SPIN1: variants seen among roughly 807,000 people sequenced by gnomAD.
SPIN1 encodes spindlin 1.
Under a neutral mutation model 26.0 loss-of-function variants are expected in SPIN1, and 3 were observed. The ratio of observed to expected loss-of-function variants is 0.12; its 90% CI spans 0.05 to 0.30. The LOEUF (loss-of-function observed/expected upper bound fraction) is 0.30. SPIN1 is among the 10% of genes least tolerant of loss of function. The pLI is 1.00. For missense variants in SPIN1, 126 were observed against 333.4 expected (o/e 0.38, Z 4.84); for synonymous variants, 101 against 116.5 (o/e 0.87, Z 0.86).
At chr9:88,435,690 A>G (rs1358831840) in intron 2 of SPIN1, among the ~76,000 whole-genome samples, 1 of 152,040 alleles carries the variant, frequency 6.6e-6, no homozygotes, top group Non-Finnish European at 1.5e-5. Flanking sequence ...TTTTTACATC[A>G]GAGTTATTAA....
intron 2 of SPIN1, among the ~76,000 whole-genome samples, chr9:88,433,427 T>C (rs1827925522): frequency 6.6e-6 from 1 of 152,206 alleles, no homozygotes; most frequent in Non-Finnish European, 1.5e-5. Flanking sequence ...GCCTTGTTGC[T>C]GACGAGTTTC....
chr9:88,461,327 G>T (rs1587813189), intron 3 of SPIN1, among the ~76,000 whole-genome samples: 2 of 152,076 alleles, frequency 1.3e-5, no homozygotes, highest in Admixed American at 6.6e-5. Context: ...ACTTAACCCT[G>T]TGAATCTCCT....
At chr9:88,451,642 C>T (rs1828355211) in intron 3 of SPIN1, among the ~76,000 whole-genome samples, 1 of 152,176 alleles carries the variant, frequency 6.6e-6, no homozygotes, top group Non-Finnish European at 1.5e-5. Context: ...TTCACTGCAA[C>T]CTCCACCTCC....
At chr9:88,401,232 A>G (rs1312732630) in intron 1 of SPIN1, among the ~76,000 whole-genome samples, 1 of 152,232 alleles carries the variant, frequency 6.6e-6, no homozygotes, top group Non-Finnish European at 1.5e-5. Context: ...AAGGTTTTTC[A>G]TTATATCAGT....
intron 1 of SPIN1, among the ~76,000 whole-genome samples, chr9:88,395,301 T>C (rs182728977): frequency 1.2e-4 from 19 of 152,080 alleles, no homozygotes; most frequent in Admixed American, 1.2e-3. Context: ...TATGTGTATA[T>C]TTTTGTTTCC....
At chr9:88,390,777 C>T (rs1376331884) in intron 1 of SPIN1, among the ~76,000 whole-genome samples, 1 of 152,144 alleles carries the variant, frequency 6.6e-6, no homozygotes, top group African/African-American at 2.4e-5. Flanking sequence ...CAAGTCAGAA[C>T]AGTCTGGGTT....
intron 1 of SPIN1, among the ~76,000 whole-genome samples, chr9:88,415,247 T>A (rs1413867345): frequency 6.6e-6 from 1 of 152,148 alleles, no homozygotes; most frequent in Admixed American, 6.6e-5. Flanking sequence ...CTGAAGGCCT[T>A]CAGATATCTA....
chr9:88,438,844 A>G (rs1030431905), intron 2 of SPIN1, among the ~76,000 whole-genome samples: 1 of 152,210 alleles, frequency 6.6e-6, no homozygotes, highest in African/African-American at 2.4e-5. Context: ...GACATGGGGA[A>G]AATGTGTGAT....
chr9:88,424,928 AC>A (rs1827736741), intron 1 of SPIN1, among the ~76,000 whole-genome samples: 1 of 152,198 alleles, frequency 6.6e-6, no homozygotes, highest in Non-Finnish European at 1.5e-5. Flanking sequence ...AGTGCTGATG[AC>A]GGAAGATTCA....
intron 2 of SPIN1, among the ~76,000 whole-genome samples, chr9:88,434,271 G>GTT: frequency 6.6e-6 from 1 of 151,476 alleles, no homozygotes; most frequent in South Asian, 2.1e-4. Flanking sequence ...GTTTAGTATA[G>GTT]TTTAACTGTT....
At chr9:88,434,549 T>A (rs1045496507) in intron 2 of SPIN1, among the ~76,000 whole-genome samples, 11 of 152,160 alleles carry the variant, frequency 7.2e-5, no homozygotes, top group African/African-American at 1.9e-4. Flanking sequence ...GACAAACTGA[T>A]AACAGTATCC....
At chr9:88,457,763 GA>G (rs1828498878) in intron 3 of SPIN1, 2 of 907,552 alleles carry the variant, frequency 2.2e-6, no homozygotes, top group South Asian at 1.0e-4. Context: ...TTGTATTCCT[GA>G]ACTTTACCTG....
intron 1 of SPIN1, among the ~76,000 whole-genome samples, chr9:88,401,422 G>T (rs181918715): frequency 1.3e-5 from 2 of 151,994 alleles, no homozygotes; most frequent in African/African-American, 4.8e-5. Flanking sequence ...CCCACACTCC[G>T]CCTGCCTCCC....
intron 1 of SPIN1, among the ~76,000 whole-genome samples, chr9:88,409,064 C>T (rs572057843): frequency 6.6e-5 from 10 of 151,352 alleles, no homozygotes; most frequent in African/African-American, 1.2e-4. Flanking sequence ...GGCGTGATCT[C>T]GGCTCATCGC....
chr9:88,405,842 T>TTTTG (rs1442384917), intron 1 of SPIN1, among the ~76,000 whole-genome samples: 1 of 151,862 alleles, frequency 6.6e-6, no homozygotes, highest in Non-Finnish European at 1.5e-5. Context: ...TTATAATTTT[T>TTTTG]TTTGTTTGTT....
At position 88,438,556 on chromosome 9, in the gene SPIN1, T is replaced by C. The variant is rs527850995; in HGVS notation, c.53-10385T>C. 1.8e-4 allele frequency among the ~76,000 whole-genome samples: 27 copies of C among 152,322 alleles called. 1 individual carries two copies. In the South Asian group the frequency reaches 2.3e-3, roughly 13 times the overall value. The stretch of plus-strand genomic sequence containing the variant: ...GCAAAGTAGTCTTTAGATTTGACTA[T>C]AGATCAAATATATAGATTAGATTTG... On this transcript the variant is annotated intron_variant, in intron 2 of 5. Coordinates refer to ENST00000375859, the MANE Select transcript of SPIN1 (RefSeq NM_006717.3).
Position 88,430,298 on chromosome 9 carries a change from C to A in SPIN1, c.52+3707C>A, listed in dbSNP as rs554333083. Among the ~76,000 whole-genome samples, 4 of 152,310 alleles carry A rather than the reference C, an allele frequency of 2.6e-5. No homozygotes were observed. In the South Asian group the frequency reaches 8.3e-4, roughly 32 times the overall value. On this transcript the variant is annotated intron_variant, in intron 2 of 5. Coordinates refer to ENST00000375859, the MANE Select transcript of SPIN1 (RefSeq NM_006717.3). Reference sequence around the variant, plus strand: ...AGCTTTAGCCACCCGGCCTCCTGGGCATCTCTTTTCTTATGGGGACCTTTA... The same window carrying A: ...AGCTTTAGCCACCCGGCCTCCTGGGAATCTCTTTTCTTATGGGGACCTTTA...
chr9:88,440,671 C>T (rs893158401), intron 2 of SPIN1, among the ~76,000 whole-genome samples: 1 of 149,714 alleles, frequency 6.7e-6, no homozygotes, highest in Non-Finnish European at 1.5e-5. Context: ...CTCCGCCACC[C>T]GTGTTCAAGC....
chr9:88,443,145 C>T (rs1828175146), intron 2 of SPIN1, among the ~76,000 whole-genome samples: 1 of 146,008 alleles, frequency 6.8e-6, no homozygotes, highest in Non-Finnish European at 1.5e-5. Context: ...CAAAAAAAAA[C>T]TCAGTCTTTG....
Sources: allele counts gnomAD v4.1 joint callset (sites outside exome capture counted in the v4.1 genomes callset), GRCh38; gene constraint gnomAD v4.1.1; transcripts MANE v1.5; gene names NCBI Gene and HGNC (gene_info 2026-07-23, HGNC 2026-07-21).